DCC: variants seen among roughly 807,000 people sequenced by gnomAD.
The protein encoded by DCC is netrin receptor DCC.
Under a neutral mutation model 172.5 loss-of-function variants are expected in DCC, and 58 were observed. The observed-to-expected ratio is 0.34, with a 90% CI of 0.27 to 0.42. DCC has a LOEUF of 0.42. Ranked by LOEUF, DCC falls within the 10% of genes least tolerant of loss-of-function variation. The pLI is 1.00. For missense variants in DCC, 1,740 were observed against 1,791.0 expected (o/e 0.97, Z 0.51); for synonymous variants, 709 against 644.5 (o/e 1.10, Z -1.52).
chr18:52,883,327 T>TA (rs70944615), intron 2 of DCC, among the ~76,000 whole-genome samples: 19 of 40,470 alleles, frequency 4.7e-4, no homozygotes, highest in African/African-American at 1.5e-3. Context: ...TATTTTATTT[T>TA]TTATTTATTT....
chr18:53,097,563 A>G (rs558928553), intron 7 of DCC, among the ~76,000 whole-genome samples: 2 of 152,168 alleles, frequency 1.3e-5, no homozygotes, highest in Non-Finnish European at 2.9e-5. Context: ...TGATTTTCAT[A>G]CATCTTTTAA....
intron 5 of DCC, among the ~76,000 whole-genome samples, chr18:53,006,604 A>C (rs1286726182): frequency 6.6e-6 from 1 of 152,222 alleles, no homozygotes; most frequent in Non-Finnish European, 1.5e-5. Context: ...CTGTAGATAG[A>C]TAAGGTTGAT....
chr18:52,686,736 A>C (rs1430237125), intron 1 of DCC, among the ~76,000 whole-genome samples: 1 of 152,076 alleles, frequency 6.6e-6, no homozygotes, highest in South Asian at 2.1e-4. Context: ...GAATGCCATG[A>C]GCTTACATGG....
chr18:53,176,721 A>T (rs1056545638), intron 8 of DCC, among the ~76,000 whole-genome samples: 1 of 151,616 alleles, frequency 6.6e-6, no homozygotes, highest in Non-Finnish European at 1.5e-5. Context: ...ACACTTTTAC[A>T]CTGTTGCTGG....
intron 2 of DCC, among the ~76,000 whole-genome samples, chr18:52,889,073 C>T (rs1363799141): frequency 6.6e-6 from 1 of 151,934 alleles, no homozygotes; most frequent in Non-Finnish European, 1.5e-5. Context: ...AGCACTAATG[C>T]ATTTAGATGG....
chr18:53,162,705 C>A (rs903870935), intron 8 of DCC, among the ~76,000 whole-genome samples: 1 of 152,184 alleles, frequency 6.6e-6, no homozygotes, highest in African/African-American at 2.4e-5. Context: ...TCTACCAAAT[C>A]TTTGCTGTAA....
intron 1 of DCC, among the ~76,000 whole-genome samples, chr18:52,697,815 G>A (rs1346000604): frequency 6.6e-6 from 1 of 152,118 alleles, no homozygotes; most frequent in Non-Finnish European, 1.5e-5. Context: ...AGCTGTTTAA[G>A]CCTTCTGGAA....
chr18:52,604,392 TTAA>T (rs575571090), intron 1 of DCC, among the ~76,000 whole-genome samples: 45 of 152,160 alleles, frequency 3.0e-4, no homozygotes, highest in Non-Finnish European at 5.4e-4. Context: ...CAGCAATGGC[TTAA>T]ACAATAGGTG....
At chr18:53,497,768 G>A (rs573517150) in intron 26 of DCC, among the ~76,000 whole-genome samples, 2 of 152,230 alleles carry the variant, frequency 1.3e-5, no homozygotes, top group South Asian at 4.2e-4. Flanking sequence ...TGCCTTAATG[G>A]TTTACTTGCA....
rs564065789 is a variant in DCC, at chr18:52,450,791, A to G, written c.91+109913A>G. On this transcript the variant is annotated intron_variant, in intron 1 of 28. Transcript: ENST00000442544. ...ACCATGTAAAATACTTCACTATTGG[A>G]GAAAATGGCTACCACTATAGGTATC... 3.9e-5 allele frequency among the ~76,000 whole-genome samples: 6 copies of G among 152,322 alleles called. No individual in the cohort carries two copies. In the South Asian group the frequency reaches 1.2e-3, roughly 32 times the overall value.
intron 9 of DCC, among the ~76,000 whole-genome samples, chr18:53,203,434 T>TA (rs200870585): frequency 0.021 from 3,264 of 152,090 alleles, 122 homozygotes; most frequent in African/African-American, 0.074. Context: ...TTTGTAAAGA[T>TA]AAAAAAATAC....
At chr18:53,125,828 C>T (rs1215078264) in intron 7 of DCC, among the ~76,000 whole-genome samples, 1 of 152,104 alleles carries the variant, frequency 6.6e-6, no homozygotes, top group Non-Finnish European at 1.5e-5. Flanking sequence ...GAGATAAGCA[C>T]ATCATATACA....
At position 53,524,702 on chromosome 18, in the gene DCC, A is replaced by C. The variant is rs2046435800; in HGVS notation, c.4112-1915A>C. On this transcript the variant is annotated intron_variant, in intron 27 of 28. Transcript: ENST00000442544. ...TTTATCCCCAGATTTATAGTCCTTG[A>C]ACTAGATTTCATGTTCATTTATGTT... Among the ~76,000 whole-genome samples the C allele has an allele frequency of 1.3e-5, 2 of 152,054 alleles. 1 individual carries two copies. The highest frequency in any genetic ancestry group is 4.1e-4 in the South Asian group (2 of 4,832).
At chr18:52,362,921 C>A (rs1289970997) in intron 1 of DCC, among the ~76,000 whole-genome samples, 1 of 152,044 alleles carries the variant, frequency 6.6e-6, no homozygotes, top group Non-Finnish European at 1.5e-5. Flanking sequence ...TTCTTTATGA[C>A]AGAGTCTTGC....
At chr18:53,238,045 G>C (rs538956812) in intron 12 of DCC, among the ~76,000 whole-genome samples, 140 of 152,246 alleles carry the variant, frequency 9.2e-4, no homozygotes, top group Non-Finnish European at 1.9e-3. Flanking sequence ...CACTGTGCTT[G>C]ACCTTCACAG....
intron 1 of DCC, among the ~76,000 whole-genome samples, chr18:52,352,250 G>A (rs1443570): frequency 0.85 from 129,805 of 152,248 alleles, 55,417 homozygotes; most frequent in African/African-American, 0.88. Flanking sequence ...TTATCCCGAG[G>A]TAGTCTTTAC....
chr18:53,215,689 G>A, intron 12 of DCC, 92 bp downstream of exon 12: 1 of 1,021,334 alleles, frequency 9.8e-7, no homozygotes, highest in African/African-American at 1.6e-5. Context: ...TTGAGTACAG[G>A]ATAGTGGCTT....
At chr18:52,924,402 A>G (rs1039284338) in intron 4 of DCC, among the ~76,000 whole-genome samples, 4 of 152,236 alleles carry the variant, frequency 2.6e-5, no homozygotes, top group Middle Eastern at 3.4e-3. Context: ...GCATGTCATT[A>G]TAGAGTTTGA....
intron 7 of DCC, among the ~76,000 whole-genome samples, chr18:53,072,644 G>A (rs978052727): frequency 3.9e-5 from 6 of 152,144 alleles, no homozygotes; most frequent in Non-Finnish European, 8.8e-5. Context: ...AAGAAATAAT[G>A]TATTCATTAT....
Sources: allele counts gnomAD v4.1 joint callset (sites outside exome capture counted in the v4.1 genomes callset), GRCh38; gene constraint gnomAD v4.1.1; transcripts MANE v1.5; gene names NCBI Gene and HGNC (gene_info 2026-07-23, HGNC 2026-07-21).